TNRC6C: variants seen among roughly 807,000 people sequenced by gnomAD.
The protein encoded by TNRC6C is trinucleotide repeat-containing gene 6C protein.
A neutral mutation model predicts 153.7 loss-of-function variants in TNRC6C; 20 were observed. The observed-to-expected ratio is 0.13, with a 90% CI of 0.09 to 0.19. The LOEUF is 0.19. Among genes scored for constraint, TNRC6C ranks in the 10% least tolerant of loss-of-function variants. The probability of loss-of-function intolerance (pLI) is 1.00; values close to 1 mark genes in which losing one functional copy is unlikely to be tolerated. For missense variants in TNRC6C, 1,987 were observed against 2,172.0 expected (o/e 0.91, Z 1.69); for synonymous variants, 811 against 841.4 (o/e 0.96, Z 0.63).
intron 13 of TNRC6C, among the ~76,000 whole-genome samples, chr17:78,088,959 C>CTTTTTTTT (rs59304499): frequency 2.3e-5 from 2 of 86,770 alleles, no homozygotes; most frequent in Non-Finnish European, 4.9e-5. Context: ...CTTATCGTTA[C>CTTTTTTTT]TTTTTTTTTT....
chr17:78,027,158 G>C (rs2071957869), intron 1 of TNRC6C, among the ~76,000 whole-genome samples: 1 of 152,254 alleles, frequency 6.6e-6, no homozygotes, highest in East Asian at 1.9e-4. Flanking sequence ...TTGGTCCAAA[G>C]ACTGAGGGGT....
At chr17:78,013,466 T>C (rs543542532) in intron 1 of TNRC6C, among the ~76,000 whole-genome samples, 2 of 152,326 alleles carry the variant, frequency 1.3e-5, no homozygotes, top group East Asian at 3.9e-4. Context: ...CTAACTGAGC[T>C]AACTAATCAT....
intron 1 of TNRC6C, among the ~76,000 whole-genome samples, chr17:77,960,207 C>T (rs928616122): frequency 2.0e-5 from 3 of 152,156 alleles, no homozygotes; most frequent in South Asian, 2.1e-4. Flanking sequence ...GTGGTCCGCT[C>T]GGTTATTTCT....
chr17:77,958,405 C>G (rs917188599), upstream of TNRC6C, among the ~76,000 whole-genome samples: 2 of 151,910 alleles, frequency 1.3e-5, no homozygotes, highest in Non-Finnish European at 2.9e-5. Context: ...CCACTCGGAG[C>G]GCGCACCGCT....
At chr17:77,977,086 T>C (rs2071012027) in intron 1 of TNRC6C, among the ~76,000 whole-genome samples, 1 of 152,126 alleles carries the variant, frequency 6.6e-6, no homozygotes, top group African/African-American at 2.4e-5. Flanking sequence ...GTATCTATTT[T>C]ATGGTACTTA....
At chr17:78,103,700 G>A (rs893734697) in intron 19 of TNRC6C, 147 bp downstream of exon 22, 3 of 1,191,702 alleles carry the variant, frequency 2.5e-6, no homozygotes, top group Non-Finnish European at 3.4e-6. Flanking sequence ...CTGGAAGTCT[G>A]ATACCCAAGA....
At chr17:78,018,364 G>A (rs1224501798) in intron 1 of TNRC6C, among the ~76,000 whole-genome samples, 1 of 152,116 alleles carries the variant, frequency 6.6e-6, no homozygotes, top group Non-Finnish European at 1.5e-5. Context: ...TCCTGACCTC[G>A]TGATCCGCCC....
At chr17:78,030,847 C>T (rs369650967) in intron 1 of TNRC6C, among the ~76,000 whole-genome samples, 1 of 152,068 alleles carries the variant, frequency 6.6e-6, no homozygotes, top group Non-Finnish European at 1.5e-5. Context: ...ACCCGTAATC[C>T]CAGCACTTTA....
At chr17:78,069,871 C>T (rs1181981210) in intron 5 of TNRC6C, among the ~76,000 whole-genome samples, 1 of 152,104 alleles carries the variant, frequency 6.6e-6, no homozygotes, top group Non-Finnish European at 1.5e-5. Context: ...CATGCATGCA[C>T]ACGTAGTGTA....
intron 3 of TNRC6C, among the ~76,000 whole-genome samples, chr17:78,055,135 C>G (rs1029001040): frequency 1.3e-5 from 2 of 152,218 alleles, no homozygotes; most frequent in South Asian, 2.1e-4. Flanking sequence ...TTAAAAGATA[C>G]TTTCTTCAGT....
At chr17:78,068,013 G>C (rs2072917490) in intron 5 of TNRC6C, 90 bp downstream of exon 7, 1 of 1,461,012 alleles carries the variant, frequency 6.8e-7, no homozygotes, top group Non-Finnish European at 9.1e-7. Context: ...CAAAAAGATA[G>C]ACCTGAGGTT....
chr17:78,092,463 A>G (rs1197020922), intron 14 of TNRC6C, among the ~76,000 whole-genome samples: 4 of 152,222 alleles, frequency 2.6e-5, no homozygotes, highest in Non-Finnish European at 4.4e-5. Flanking sequence ...GTTGTCCCCA[A>G]AAAGATTTAT....
rs548924826 is a variant in TNRC6C at position 77,982,028 on chromosome 17, C to T, written c.-37-22142C>T. ...TTAGTTCGTGAAGGTGGAACCCTCACAAATGGGATTAGAGACACAGAGTTC... is the reference window on the plus strand; with the variant it reads ...TTAGTTCGTGAAGGTGGAACCCTCATAAATGGGATTAGAGACACAGAGTTC... On this transcript the variant is annotated intron_variant, in intron 1 of 22. Coordinates refer to the TNRC6C transcript ENST00000636222. Among the ~76,000 whole-genome samples, 3 of 152,282 alleles carry T rather than the reference C, an allele frequency of 2.0e-5. No individual in the cohort carries two copies. In the South Asian group the frequency reaches 6.2e-4, roughly 32 times the overall value.
At chr17:78,103,660 A>C in intron 19 of TNRC6C, 107 bp downstream of exon 22, 1 of 1,474,256 alleles carries the variant, frequency 6.8e-7, no homozygotes, top group Non-Finnish European at 9.1e-7. Flanking sequence ...GCAGAATCCC[A>C]CAGGCTGGCC....
chr17:78,008,805 C>T (rs1423966436), intron 1 of TNRC6C: 9 of 152,144 alleles, frequency 5.9e-5, no homozygotes, highest in Non-Finnish European at 1.2e-4. Context: ...AAAGTTCACT[C>T]GAAATTCCTC....
chr17:77,976,934 A>G (rs2071007243), intron 1 of TNRC6C, among the ~76,000 whole-genome samples: 1 of 129,166 alleles, frequency 7.7e-6, no homozygotes, highest in Admixed American at 7.5e-5. Context: ...CATCTCAGAA[A>G]AAAAAAAAAA....
At chr17:78,086,719 G>C in intron 12 of TNRC6C, 133 bp downstream of exon 14, 1 of 1,565,142 alleles carries the variant, frequency 6.4e-7, no homozygotes, top group South Asian at 1.2e-5. Flanking sequence ...CCTGGGTTCA[G>C]CTAGGTTTGG....
At chr17:78,028,084 G>GT (rs2071980254) in intron 1 of TNRC6C, among the ~76,000 whole-genome samples, 3 of 152,162 alleles carry the variant, frequency 2.0e-5, no homozygotes, top group Middle Eastern at 3.4e-3. Flanking sequence ...ATTTTTAGTA[G>GT]AGACAGGGTT....
intron 16 of TNRC6C, 99 bp from the exon 20 acceptor site, chr17:78,098,244 G>A (rs1433376702): frequency 3.4e-6 from 4 of 1,166,014 alleles, no homozygotes; most frequent in African/African-American, 3.1e-5. Context: ...CACACAGTCT[G>A]CTGGTGTTAG....
Sources: gnomAD v4.1 joint callset for allele counts (sites outside exome capture counted in the v4.1 genomes callset) on GRCh38, gnomAD v4.1.1 for gene constraint, MANE v1.5 for transcripts, NCBI Gene and HGNC (gene_info 2026-07-23, HGNC 2026-07-21) for gene names.